The following TTLL5 variants were observed in gnomAD, a reference collection of about 807,000 sequenced individuals.
TTLL5 encodes the protein tubulin tyrosine ligase like 5.
Under a neutral mutation model 168.4 loss-of-function variants are expected in TTLL5, and 132 were observed. The observed-to-expected ratio is 0.78, with a 90% CI of 0.68 to 0.91. The LOEUF (loss-of-function observed/expected upper bound fraction) is 0.91, where lower values mean the gene tolerates loss of function less well. Ranked by LOEUF, TTLL5 falls within the 40% of genes least tolerant of loss-of-function variation. The pLI is 0.00. For missense variants in TTLL5, 1,545 were observed against 1,581.5 expected (o/e 0.98, Z 0.39); for synonymous variants, 546 against 558.6 (o/e 0.98, Z 0.32).
At chr14:75,900,905 C>T (rs965870734) in intron 30 of TTLL5, among the ~76,000 whole-genome samples, 6 of 152,172 alleles carry the variant, frequency 3.9e-5, no homozygotes, top group African/African-American at 1.2e-4. Flanking sequence ...GTTTTATGTA[C>T]GTGCTTTAAC....
rs527904347 is a variant in TTLL5 at position 75,930,691 on chromosome 14, G to A, written c.3824-23733G>A. On this transcript the variant is annotated intron_variant, in intron 31 of 31. Coordinates refer to ENST00000298832, the MANE Select transcript of TTLL5 (RefSeq NM_015072.5). Reference sequence around the variant, plus strand: ...GCAAAAATAGGATTAGGCAAAGAAAGCACTTTTATGGTTCTGAGAGAAAGA... The same window carrying A: ...GCAAAAATAGGATTAGGCAAAGAAAACACTTTTATGGTTCTGAGAGAAAGA... 8.0e-5 allele frequency: 77 copies of A among 966,986 alleles called. No homozygotes were observed. In the African/African-American group the frequency reaches 1.3e-3, roughly 16 times the overall value. 59.9% of individuals were successfully genotyped at this position (966,986 alleles called of 1,614,324 possible). A position where few individuals can be genotyped will look rare whatever the true frequency, so the allele number is the denominator to read the frequency against.
intron 31 of TTLL5, among the ~76,000 whole-genome samples, chr14:75,903,410 G>A (rs2033008895): frequency 6.6e-6 from 1 of 152,102 alleles, no homozygotes. Flanking sequence ...ATGGATCAGT[G>A]TGGCTGGGGA....
chr14:75,864,773 A>C (rs1017686585), intron 29 of TTLL5, among the ~76,000 whole-genome samples: 1 of 152,146 alleles, frequency 6.6e-6, no homozygotes, highest in Non-Finnish European at 1.5e-5. Flanking sequence ...TATCAGTTTG[A>C]TCTCCTGATC....
intron 18 of TTLL5, among the ~76,000 whole-genome samples, chr14:75,755,269 A>AAATAATAATAAT (rs71119390): frequency 6.3e-5 from 3 of 47,928 alleles, no homozygotes; most frequent in South Asian, 8.6e-4. Context: ...CTGTCTCCAA[A>AAATAATAATAAT]AATAATAATA....
At chr14:75,850,252 CA>C (rs2139884900) in intron 28 of TTLL5, among the ~76,000 whole-genome samples, 1 of 151,368 alleles carries the variant, frequency 6.6e-6, no homozygotes, top group East Asian at 1.9e-4. Flanking sequence ...ACTAAAAATA[CA>C]AAATTATCCG....
chr14:75,773,470 T>G (rs1891466326), intron 21 of TTLL5, among the ~76,000 whole-genome samples: 1 of 152,052 alleles, frequency 6.6e-6, no homozygotes, highest in African/African-American at 2.4e-5. Flanking sequence ...AAAAAATAGT[T>G]CAAAAAAGAA....
intron 29 of TTLL5, among the ~76,000 whole-genome samples, chr14:75,869,252 A>C (rs1055967469): frequency 5.9e-5 from 9 of 152,082 alleles, no homozygotes; most frequent in African/African-American, 2.2e-4. Flanking sequence ...AGATTTTGCC[A>C]AGCCAAACTT....
At chr14:75,745,898 A>G (rs1225204890) in intron 17 of TTLL5, among the ~76,000 whole-genome samples, 1 of 152,156 alleles carries the variant, frequency 6.6e-6, no homozygotes, top group Non-Finnish European at 1.5e-5. Flanking sequence ...GTATCTAAGC[A>G]ATATATTGTT....
intron 31 of TTLL5, among the ~76,000 whole-genome samples, chr14:75,932,418 T>C (rs2034305310): frequency 6.6e-6 from 1 of 152,222 alleles, no homozygotes; most frequent in Non-Finnish European, 1.5e-5. Flanking sequence ...CTAGGGTGTA[T>C]ATGTCCATAC....
chr14:75,928,366 T>TATATATATATATATATATATATATATATA lies in TTLL5; in HGVS notation c.3824-26056_3824-26055insATATATATATATATATATATATATATAAT, dbSNP rs1202108865. On this transcript the variant is annotated intron_variant, in intron 31 of 31. Transcript: ENST00000298832. ...ACATATATATATATATATATATATA[T>TATATATATATATATATATATATATATATA]ATCACTGTATTTCTGCTTTACTCTA... Among the ~76,000 whole-genome samples the TATATATATATATATATATATATATATATA allele has an allele frequency of 2.6e-4, 37 of 142,344 alleles. 1 individual carries two copies. The highest frequency in any genetic ancestry group is 9.5e-4 in the African/African-American group (36 of 37,970). 93.4% of individuals were successfully genotyped at this position (142,344 alleles called of 152,430 possible).
chr14:75,810,930 ATC>A (rs140872615), intron 27 of TTLL5, among the ~76,000 whole-genome samples: 2,694 of 152,252 alleles, frequency 0.018, 73 homozygotes, highest in African/African-American at 0.061. Flanking sequence ...AGAGCAACAC[ATC>A]TCTCAACTCT....
At chr14:75,836,629 C>T (rs555808454) in intron 28 of TTLL5, among the ~76,000 whole-genome samples, 54 of 152,258 alleles carry the variant, frequency 3.5e-4, no homozygotes, top group Admixed American at 1.8e-3. Context: ...GTGATTATTA[C>T]ACATTGCATG....
chr14:75,712,678 C>G (rs1407740094), intron 9 of TTLL5, among the ~76,000 whole-genome samples: 1 of 151,790 alleles, frequency 6.6e-6, no homozygotes, highest in Non-Finnish European at 1.5e-5. Flanking sequence ...TAATGTTTGC[C>G]AAGTCCCTAC....
Position 75,886,072 on chromosome 14 carries a change from G to A in TTLL5, c.3740+3170G>A, listed in dbSNP as rs550546784. 4.6e-5 allele frequency among the ~76,000 whole-genome samples: 7 copies of A among 152,250 alleles called. No individual in the cohort carries two copies. The East Asian group carries it at 1.4e-3, about 29-fold the overall frequency. ...AGTCACACTCAGGAATGCCATAGTCGCCTCAAGAGACACAACTAATGAGAA... is the reference window on the plus strand; with the variant it reads ...AGTCACACTCAGGAATGCCATAGTCACCTCAAGAGACACAACTAATGAGAA... On this transcript the variant is annotated intron_variant, in intron 30 of 31. Transcript: ENST00000298832.
At chr14:75,680,155 A>G (rs1884490939) in intron 3 of TTLL5, among the ~76,000 whole-genome samples, 1 of 152,234 alleles carries the variant, frequency 6.6e-6, no homozygotes, top group Non-Finnish European at 1.5e-5. Flanking sequence ...GTAGTGGTGC[A>G]TAGAAAGAGA....
At chr14:75,907,959 C>T (rs1360445153) in intron 31 of TTLL5, among the ~76,000 whole-genome samples, 1 of 152,214 alleles carries the variant, frequency 6.6e-6, no homozygotes, top group African/African-American at 2.4e-5. Context: ...CTTGGACCTG[C>T]CACAGTTATA....
At chr14:75,693,795 G>A (rs1885629825) in intron 6 of TTLL5, among the ~76,000 whole-genome samples, 1 of 152,238 alleles carries the variant, frequency 6.6e-6, no homozygotes, top group Non-Finnish European at 1.5e-5. Flanking sequence ...AAGGGAGATT[G>A]AGAAGTGATT....
chr14:75,929,820 C>T (rs1210313760), intron 31 of TTLL5, among the ~76,000 whole-genome samples: 1 of 152,138 alleles, frequency 6.6e-6, no homozygotes, highest in South Asian at 2.1e-4. Context: ...TCCTATAATG[C>T]TGATTAGTAT....
At chr14:75,743,774 G>A (rs903418878) in intron 15 of TTLL5, among the ~76,000 whole-genome samples, 2 of 151,652 alleles carry the variant, frequency 1.3e-5, no homozygotes, top group African/African-American at 2.4e-5. Flanking sequence ...GTAGAGATGG[G>A]GTTTCACCGT....
Sources: gnomAD v4.1 joint callset for allele counts (sites outside exome capture counted in the v4.1 genomes callset) on GRCh38, gnomAD v4.1.1 for gene constraint, MANE v1.5 for transcripts, NCBI Gene and HGNC (gene_info 2026-07-23, HGNC 2026-07-21) for gene names.